The following PLPP4 variants were observed in gnomAD, a reference collection of about 807,000 sequenced individuals.
PLPP4 encodes the protein phospholipid phosphatase 4, also known as diacylglycerol pyrophosphate like 2.
A neutral mutation model predicts 32.2 loss-of-function variants in PLPP4; 20 were observed. That is an observed-to-expected ratio of 0.62 (90% CI 0.44 to 0.90). PLPP4 has a LOEUF of 0.90. PLPP4 is among the 40% of genes least tolerant of loss of function. The pLI, the probability that PLPP4 is intolerant of heterozygous loss-of-function variation, is 0.00. For synonymous variants in PLPP4, 127 were observed against 133.0 expected, an observed-to-expected ratio of 0.95 and a Z score of 0.31; for missense variants, 257 against 353.1, an observed-to-expected ratio of 0.73 and a Z score of 2.18.
rs147546564 is a variant in PLPP4, at chr10:120,491,702, C to CT, written c.57-12112dup. 6.7e-3 allele frequency among the ~76,000 whole-genome samples: 1,013 copies of CT among 152,250 alleles called. 15 individuals carry two copies. The highest frequency in any genetic ancestry group is 0.023 in the African/African-American group (938 of 41,552). The stretch of plus-strand genomic sequence containing the variant: ...AAATACCCTCCACCAATTATCAGCA[C>CT]TTTTATTTCATCTGCTTCCCTCTCT... On this transcript the variant is annotated intron_variant, in intron 1 of 6. Transcript: ENST00000398250.
At chr10:120,519,525 GAGAT>G (rs1846067329) in intron 4 of PLPP4, among the ~76,000 whole-genome samples, 1 of 151,706 alleles carries the variant, frequency 6.6e-6, no homozygotes, top group Non-Finnish European at 1.5e-5. Context: ...GAGGGGGCAG[GAGAT>G]AGATAAAAAT....
chr10:120,520,853 T>G, intron 4 of PLPP4, 118 bp from the exon 5 acceptor site: 1 of 1,269,996 alleles, frequency 7.9e-7, no homozygotes, highest in Non-Finnish European at 1.1e-6. Context: ...AGCTCCAGTG[T>G]TGACAGCCAA....
chr10:120,493,559 C>T (rs1010614352), intron 1 of PLPP4, among the ~76,000 whole-genome samples: 2 of 152,210 alleles, frequency 1.3e-5, no homozygotes, highest in Admixed American at 6.5e-5. Flanking sequence ...GGTCCTCTCT[C>T]TGCCAGTCCC....
At chr10:120,542,447 C>A (rs1353236834) in intron 5 of PLPP4, among the ~76,000 whole-genome samples, 7 of 152,190 alleles carry the variant, frequency 4.6e-5, no homozygotes, top group Non-Finnish European at 4.4e-5. Flanking sequence ...CCTCTGGGTA[C>A]AACTAGGATA....
chr10:120,530,671 A>G (rs1316905133), intron 5 of PLPP4, among the ~76,000 whole-genome samples: 1 of 152,176 alleles, frequency 6.6e-6, no homozygotes, highest in Non-Finnish European at 1.5e-5. Context: ...CTAAGTATCT[A>G]TGAGTGGCAT....
At chr10:120,506,875 T>C (rs2133873757) in intron 2 of PLPP4, among the ~76,000 whole-genome samples, 1 of 152,344 alleles carries the variant, frequency 6.6e-6, no homozygotes, top group South Asian at 2.1e-4. Context: ...CTTGTTTCCC[T>C]TGACAACCCA....
chr10:120,457,256 G>A lies in PLPP4; in HGVS notation c.-50G>A, dbSNP rs1847820163. 1 of 1,410,140 alleles carries A rather than the reference G, an allele frequency of 7.1e-7. No individual in the cohort carries two copies. Among genetic ancestry groups the A allele is most frequent in the East Asian group, 3.1e-5 (1 of 32,456 alleles). 87.4% of individuals were successfully genotyped at this position (1,410,140 alleles called of 1,614,324 possible). A position where few individuals can be genotyped will look rare whatever the true frequency, so the allele number is the denominator to read the frequency against. On this transcript the variant is annotated 5_prime_UTR_variant, in exon 1 of 7. Coordinates refer to ENST00000398250, the MANE Select transcript of PLPP4 (RefSeq NM_001030059.3). ...CGAGCCGGCGCCGGCCGAGCTGCGG[G>A]AGCCGCGGAGAGCACCAGCTGACGC... is the stretch of plus-strand genomic sequence containing the variant.
chr10:120,513,836 G>T, intron 2 of PLPP4, 75 bp from the exon 3 acceptor site: 1 of 1,118,232 alleles, frequency 8.9e-7, no homozygotes, highest in South Asian at 1.3e-5. Flanking sequence ...TGAAACTAAC[G>T]GGAACTAATT....
At chr10:120,537,884 C>T (rs1369041087) in intron 5 of PLPP4, among the ~76,000 whole-genome samples, 3 of 151,558 alleles carry the variant, frequency 2.0e-5, no homozygotes, top group Non-Finnish European at 4.4e-5. Context: ...AGCACTGTTC[C>T]GCATTCCCTT....
intron 3 of PLPP4, 59 bp from the exon 4 acceptor site, chr10:120,518,774 G>T: frequency 7.7e-7 from 1 of 1,301,392 alleles, no homozygotes; most frequent in South Asian, 1.2e-5. Context: ...TAATGATGAT[G>T]ATGATTTTGA....
chr10:120,553,091 A>G (rs1055519600), intron 5 of PLPP4, among the ~76,000 whole-genome samples: 2 of 152,222 alleles, frequency 1.3e-5, no homozygotes, highest in Non-Finnish European at 2.9e-5. Flanking sequence ...ATATGTAGTA[A>G]TGAATTGAGC....
intron 1 of PLPP4, among the ~76,000 whole-genome samples, chr10:120,486,730 G>A (rs1330729332): frequency 6.6e-6 from 1 of 152,230 alleles, no homozygotes; most frequent in East Asian, 1.9e-4. Context: ...GCATTGGTCA[G>A]TGGTGTCCAC....
At chr10:120,479,767 T>G (rs1018385811) in intron 1 of PLPP4, among the ~76,000 whole-genome samples, 2 of 152,368 alleles carry the variant, frequency 1.3e-5, no homozygotes, top group Non-Finnish European at 2.9e-5. Context: ...GCTGCCAAAT[T>G]TAATTTAACC....
At position 120,589,816 on chromosome 10, in the gene PLPP4, G is replaced by T; in HGVS notation, c.*314G>T. 3.5e-6 allele frequency: 1 copy of T among 288,898 alleles called. No individual in the cohort carries two copies. The highest frequency in any genetic ancestry group is 6.5e-6 in the Non-Finnish European group (1 of 154,394). 17.9% of individuals were successfully genotyped at this position (288,898 alleles called of 1,614,324 possible). On this transcript the variant is annotated 3_prime_UTR_variant, in exon 7 of 7. Transcript: ENST00000398250. ...ACAGCCACCTTCCTATGTTTTCATG[G>T]TTGTAAAACATAATAAAACCTCCCA...
chr10:120,510,459 C>T (rs1452065825), intron 2 of PLPP4, among the ~76,000 whole-genome samples: 1 of 152,164 alleles, frequency 6.6e-6, no homozygotes, highest in Non-Finnish European at 1.5e-5. Flanking sequence ...CATGTTTTTC[C>T]TCCACCTCTG....
chr10:120,503,733 G>A (rs1220854071), intron 1 of PLPP4, 85 bp from the exon 2 acceptor site: 21 of 1,587,642 alleles, frequency 1.3e-5, no homozygotes, highest in Middle Eastern at 1.7e-4. Flanking sequence ...CCCACCCTGA[G>A]GGTGCATAGA....
chr10:120,551,024 A>G (rs951485416), intron 5 of PLPP4, among the ~76,000 whole-genome samples: 5 of 152,164 alleles, frequency 3.3e-5, no homozygotes, highest in Non-Finnish European at 7.4e-5. Context: ...CATATCCACA[A>G]TATATAAAGA....
At chr10:120,523,191 A>G (rs527291952) in intron 5 of PLPP4, among the ~76,000 whole-genome samples, 34 of 152,252 alleles carry the variant, frequency 2.2e-4, no homozygotes, top group African/African-American at 7.9e-4. Context: ...AATCCCAGCT[A>G]CTCAGGAGGC....
intron 5 of PLPP4, among the ~76,000 whole-genome samples, chr10:120,574,168 A>ACACACACACTCTCTCTCT (rs1849090021): frequency 2.1e-5 from 1 of 47,090 alleles, no homozygotes; most frequent in African/African-American, 8.6e-5. Flanking sequence ...ACACACACAC[A>ACACACACACTCTCTCTCT]CTCTCTCTCT....
Sources: gnomAD v4.1 joint callset for allele counts (sites outside exome capture counted in the v4.1 genomes callset) on GRCh38, gnomAD v4.1.1 for gene constraint, MANE v1.5 for transcripts, NCBI Gene and HGNC (gene_info 2026-07-23, HGNC 2026-07-21) for gene names.